The following CAGE1 variants were observed in gnomAD, a reference collection of about 807,000 sequenced individuals.
CAGE1 encodes cancer-associated gene 1 protein.
In CAGE1, 66 loss-of-function variants were observed where a neutral mutation model predicts 94.9. The ratio of observed to expected loss-of-function variants is 0.70; its 90% CI spans 0.57 to 0.85. CAGE1 has a LOEUF of 0.85. Among genes scored for constraint, CAGE1 ranks in the 40% least tolerant of loss-of-function variants. The probability of loss-of-function intolerance (pLI) is 0.00; values close to 1 mark genes in which losing one functional copy is unlikely to be tolerated. For missense variants in CAGE1, 865 were observed against 950.4 expected, an observed-to-expected ratio of 0.91 and a Z score of 1.18; for synonymous variants, 319 against 321.0, an observed-to-expected ratio of 0.99 and a Z score of 0.07.
intron 11 of CAGE1, among the ~76,000 whole-genome samples, chr6:7,338,456 T>C (rs1288349411): frequency 6.6e-6 from 1 of 152,248 alleles, no homozygotes. Context: ...TGAAGAATGA[T>C]GTTGGATTTT....
chr6:7,361,417 T>C (rs920150318), intron 9 of CAGE1, among the ~76,000 whole-genome samples: 12 of 152,338 alleles, frequency 7.9e-5, no homozygotes, highest in Middle Eastern at 6.8e-3. Context: ...AAAATGAATT[T>C]ATAACCAACA....
chr6:7,361,428 T>A (rs1417357840), intron 9 of CAGE1, among the ~76,000 whole-genome samples: 1 of 152,208 alleles, frequency 6.6e-6, no homozygotes, highest in Non-Finnish European at 1.5e-5. Context: ...ATAACCAACA[T>A]AAAAAATGAA....
At chr6:7,332,671 C>G (rs1758797994) in intron 12 of CAGE1, among the ~76,000 whole-genome samples, 1 of 152,176 alleles carries the variant, frequency 6.6e-6, no homozygotes, top group South Asian at 2.1e-4. Flanking sequence ...CCTCATAAGG[C>G]TTTAGGTAAA....
intron 2 of CAGE1, among the ~76,000 whole-genome samples, chr6:7,386,596 A>G (rs753145250): frequency 2.0e-5 from 3 of 152,106 alleles, no homozygotes; most frequent in Non-Finnish European, 4.4e-5. Flanking sequence ...CAGTTTTAAC[A>G]CTGTGTGTAA....
At chr6:7,348,337 C>T (rs1052428639) in intron 11 of CAGE1, among the ~76,000 whole-genome samples, 1 of 152,168 alleles carries the variant, frequency 6.6e-6, no homozygotes, top group African/African-American at 2.4e-5. Context: ...ATCACTGCAG[C>T]TCGGCCCATA....
chr6:7,389,634 T>C lies in CAGE1; in HGVS notation c.-456A>G, dbSNP rs1761266690. 20 of 363,662 alleles carry C rather than the reference T, an allele frequency of 5.5e-5. No individual in the cohort carries two copies. Among genetic ancestry groups the C allele is most frequent in the South Asian group, 5.2e-4 (20 of 38,126 alleles). The allele number at this position is 363,662 out of a possible 1,614,324, so 22.5% of individuals were successfully genotyped here. On this transcript the variant is annotated 5_prime_UTR_variant, in exon 1 of 14. Coordinates refer to ENST00000502583, the MANE Select transcript of CAGE1 (RefSeq NM_001170692.2). ...CAAAGTGGGGTACAGAAACGAAAAC[T>C]CCGGGAAGAAACGGCCAGCACGGGC...
intron 3 of CAGE1, among the ~76,000 whole-genome samples, chr6:7,379,640 T>C (rs1760867163): frequency 6.6e-6 from 1 of 152,220 alleles, no homozygotes; most frequent in Non-Finnish European, 1.5e-5. Context: ...TTACAAATTA[T>C]TGATCCCTTT....
At chr6:7,376,526 C>T (rs1013249408) in intron 4 of CAGE1, among the ~76,000 whole-genome samples, 1 of 152,096 alleles carries the variant, frequency 6.6e-6, no homozygotes, top group Non-Finnish European at 1.5e-5. Context: ...CACAGAGACC[C>T]TCGAGTGATG....
chr6:7,327,098 G>C (rs1758565087), intron 13 of CAGE1, among the ~76,000 whole-genome samples, 199 bp from the exon 14 acceptor site: 1 of 152,092 alleles, frequency 6.6e-6, no homozygotes, highest in African/African-American at 2.4e-5. Flanking sequence ...TGTTACCCAG[G>C]CTGCAGTGCA....
At position 7,369,912 on chromosome 6, in the gene CAGE1, T is replaced by C; in HGVS notation, c.1893+7A>G. On this transcript the variant is annotated splice_region_variant and intron_variant, in intron 6 of 13. Coordinates refer to ENST00000502583, the MANE Select transcript of CAGE1 (RefSeq NM_001170692.2). ...TACTAAAATATCTAATATATATGTTTTATTACCTGGCATGTGAGAAGTCCC... is the reference window on the plus strand; with the variant it reads ...TACTAAAATATCTAATATATATGTTCTATTACCTGGCATGTGAGAAGTCCC... 6.2e-7 allele frequency: 1 copy of C among 1,605,716 alleles called. No homozygotes were observed.
rs761324060 is a variant in CAGE1, at chr6:7,373,871, G to C, written c.948C>G (p.Asn316Lys). The C allele has an allele frequency of 4.3e-6, 7 of 1,613,902 alleles. No individual in the cohort carries two copies. The East Asian group carries it at 1.6e-4, about 36-fold the overall frequency. Residue 316 changes from asparagine (N) to lysine (K), a missense_variant, in exon 5 of 14, where the codon AAC becomes AAG. Asn to Lys is a moderately conservative substitution (Grantham distance 94). Coordinates refer to ENST00000502583, the MANE Select transcript of CAGE1 (RefSeq NM_001170692.2). ...NEVLQKLKHTNRKQEVRIQEL... is the reference protein window; with the variant it reads ...NEVLQKLKHTKRKQEVRIQEL... ...CTTGGATTCGCACTTCCTGCTTTCT[G>C]TTAGTATGTTTTAATTTCTGCAAGA...
At chr6:7,388,142 C>T (rs1761193125) in intron 1 of CAGE1, among the ~76,000 whole-genome samples, 1 of 152,018 alleles carries the variant, frequency 6.6e-6, no homozygotes, top group African/African-American at 2.4e-5. Context: ...GTCCAGAGCT[C>T]CAGAGCTGAG....
intron 12 of CAGE1, 83 bp from the exon 13 acceptor site, chr6:7,329,971 T>C: frequency 1.6e-6 from 1 of 636,600 alleles, no homozygotes; most frequent in South Asian, 1.9e-5. Flanking sequence ...TTGCCATTAT[T>C]TAGCATATTT....
rs1761273271 is a variant in CAGE1 at position 7,389,729 on chromosome 6, A to G, written c.-551T>C. 1 of 559,998 alleles carries G rather than the reference A, an allele frequency of 1.8e-6. No homozygotes were observed. The highest frequency in any genetic ancestry group is 3.2e-6 in the Non-Finnish European group (1 of 312,162). The allele number at this position is 559,998 out of a possible 1,614,324, so 34.7% of individuals were successfully genotyped here. A position where few individuals can be genotyped will look rare whatever the true frequency, so the allele number is the denominator to read the frequency against. ...CATCCACAGCCCTATACAGCGCGCC[A>G]TCCAGAGAGCTCCGGACTCCCAGCT... On this transcript the variant is annotated 5_prime_UTR_variant, in exon 1 of 14. An upstream start codon of the reference 5' UTR is lost. Coordinates refer to ENST00000502583, the MANE Select transcript of CAGE1 (RefSeq NM_001170692.2).
chr6:7,378,618 T>C lies in CAGE1; in HGVS notation c.686A>G (p.Lys229Arg). The C allele has an allele frequency of 6.4e-7, 1 of 1,570,898 alleles. No individual in the cohort carries two copies. The highest frequency in any genetic ancestry group is 8.6e-7 in the Non-Finnish European group (1 of 1,164,760). Residue 229 changes from lysine (K) to arginine (R), a missense_variant and splice_region_variant, in exon 4 of 14, where the codon AAG becomes AGG. Coordinates refer to ENST00000502583, the MANE Select transcript of CAGE1 (RefSeq NM_001170692.2). ...NPSQPPSFLC[K>R]TAVPSKEIQN... The stretch of plus-strand genomic sequence containing the variant: ...TACAATATTATTGTGTACACTTTCC[T>C]TACATAAGAAGCTTGGAGGTTGGCT...
intron 11 of CAGE1, chr6:7,341,513 C>T: frequency 8.1e-7 from 1 of 1,239,098 alleles, no homozygotes; most frequent in Non-Finnish European, 1.2e-6. Flanking sequence ...TAGATGTCAC[C>T]CAGAAGATTC....
Position 7,385,807 on chromosome 6 carries a change from G to A in CAGE1, c.261C>T (p.Gly87=), listed in dbSNP as rs758680183. 199 of 1,541,768 alleles carry A rather than the reference G, an allele frequency of 1.3e-4. No individual in the cohort carries two copies. The highest frequency in any genetic ancestry group is 4.0e-5 in the Admixed American group (2 of 49,418). ...YESTLCEDAY[G]TLDNLLNDNN... ...TACCATTTAACAAATTGTCTAGTGT[G>A]CCATAAGCATCTTCACAAAGTGTGG... is the stretch of plus-strand genomic sequence containing the variant. The change falls in exon 3 of 14, where the codon GGC becomes GGT. Residue 87 remains glycine, a synonymous_variant. Transcript: ENST00000502583.
rs754458187 is a variant in CAGE1 at position 7,373,150 on chromosome 6, G to T, written c.1669C>A (p.Gln557Lys). The change falls in exon 5 of 14, where the codon CAA becomes AAA. Residue 557 changes from glutamine to lysine, a missense_variant. Transcript: ENST00000502583. ...GTCTCAAATTTAGGGACATAATTTT[G>T]CTCTTCACTCCTTGCAACCTGCTGT... The part of the protein sequence containing the change: ...LKQQVARSEE[Q>K]NYVPKFETAQ... 3 of 1,613,500 alleles carry T rather than the reference G, an allele frequency of 1.9e-6. No individual in the cohort carries two copies. Among genetic ancestry groups the T allele is most frequent in the Admixed American group, 3.3e-5 (2 of 59,896 alleles).
chr6:7,389,411 G>T lies in CAGE1; in HGVS notation c.-233C>A, dbSNP rs1761257544. The T allele has an allele frequency of 2.2e-6, 1 of 448,282 alleles. No homozygotes were observed. The highest frequency in any genetic ancestry group is 4.5e-6 in the Non-Finnish European group (1 of 222,442). The allele number at this position is 448,282 out of a possible 1,614,324, so 27.8% of individuals were successfully genotyped here. A position where few individuals can be genotyped will look rare whatever the true frequency, so the allele number is the denominator to read the frequency against. The stretch of plus-strand genomic sequence containing the variant: ...AGGACTCTCACAAACTCGCAATCGG[G>T]CTCCCGGAGTGCTGGAACGCCCCTG... On this transcript the variant is annotated 5_prime_UTR_variant, in exon 1 of 14. Coordinates refer to ENST00000502583, the MANE Select transcript of CAGE1 (RefSeq NM_001170692.2).
Sources: allele counts gnomAD v4.1 joint callset (sites outside exome capture counted in the v4.1 genomes callset), GRCh38; gene constraint gnomAD v4.1.1; transcripts MANE v1.5; gene names NCBI Gene and HGNC (gene_info 2026-07-23, HGNC 2026-07-21).